CTPS2: variants seen among roughly 807,000 people sequenced by gnomAD.
The protein encoded by CTPS2 is CTP synthase 2, also known as CTP synthase II.
Under a neutral mutation model 46.8 loss-of-function variants are expected in CTPS2, and 19 were observed. The ratio of observed to expected loss-of-function variants is 0.41; its 90% CI spans 0.28 to 0.60. The LOEUF (loss-of-function observed/expected upper bound fraction) is 0.60, where lower values mean the gene tolerates loss of function less well. Among genes scored for constraint, CTPS2 ranks in the 20% least tolerant of loss-of-function variants. The pLI is 0.35. For synonymous variants in CTPS2, 151 were observed against 165.2 expected (o/e 0.91, Z 0.66); for missense variants, 286 against 447.6 (o/e 0.64, Z 3.26).
chrX:16,709,813 C>T (rs1925320731), intron 1 of CTPS2, among the ~76,000 whole-genome samples: 1 of 82,333 alleles, frequency 1.2e-5, no homozygotes. Flanking sequence ...CGTGCCATTG[C>T]ACTCTACCCT....
intron 17 of CTPS2, among the ~76,000 whole-genome samples, chrX:16,602,125 T>A (rs1929703873): frequency 9.0e-6 from 1 of 111,607 alleles, no homozygotes; most frequent in Non-Finnish European, 1.9e-5. Context: ...ATGGTACCAC[T>A]TGCAGGAAGA....
chrX:16,590,399 T>C lies in CTPS2; in HGVS notation c.*41+353A>G, dbSNP rs191009457. Among the ~76,000 whole-genome samples the C allele has an allele frequency of 2.0e-3, 221 of 111,873 alleles. 1 individual carries two copies. The highest frequency in any genetic ancestry group is 6.6e-3 in the African/African-American group (202 of 30,812). On this transcript the variant is annotated intron_variant, in intron 18 of 18. Coordinates refer to ENST00000359276, the MANE Select transcript of CTPS2 (RefSeq NM_175859.3). Reference sequence around the variant, plus strand: ...TTCCTGCTACAACAGCAGAATTGAGTAGTTGCCGCAGGAACTGCATGGCTC... The same window carrying C: ...TTCCTGCTACAACAGCAGAATTGAGCAGTTGCCGCAGGAACTGCATGGCTC...
intron 1 of CTPS2, among the ~76,000 whole-genome samples, chrX:16,704,495 C>T (rs747898191): frequency 2.7e-5 from 3 of 111,490 alleles, no homozygotes; most frequent in Non-Finnish European, 5.6e-5. Context: ...TGGTTGTCAG[C>T]GGGTAGGAGG....
At chrX:16,692,993 G>A (rs1314657343) in intron 6 of CTPS2, 148 bp downstream of exon 6, 3 of 442,724 alleles carry the variant, frequency 6.8e-6, no homozygotes, top group African/African-American at 2.6e-5. Context: ...GGAGGCGGAG[G>A]TTGCAATGAG....
At chrX:16,670,765 C>T in intron 10 of CTPS2, 91 bp from the exon 11 acceptor site, 1 of 550,241 alleles carries the variant, frequency 1.8e-6, no homozygotes, top group Non-Finnish European at 2.9e-6. Flanking sequence ...TTGGTCCAAT[C>T]ACTAGTGACT....
intron 8 of CTPS2, among the ~76,000 whole-genome samples, chrX:16,685,368 T>C (rs955635467): frequency 9.0e-6 from 1 of 111,378 alleles, no homozygotes; most frequent in Admixed American, 9.6e-5. Flanking sequence ...GTGAGTCCAC[T>C]GGGTCACACC....
chrX:16,600,785 T>C (rs746007464), intron 17 of CTPS2, among the ~76,000 whole-genome samples: 25 of 112,682 alleles, frequency 2.2e-4, no homozygotes, highest in Non-Finnish European at 4.1e-4. Context: ...AATGGTTTTC[T>C]AAAATGTTTA....
At chrX:16,649,728 C>G (rs1035594656) in intron 13 of CTPS2, among the ~76,000 whole-genome samples, 1 of 112,167 alleles carries the variant, frequency 8.9e-6, no homozygotes, top group Non-Finnish European at 1.9e-5. Context: ...TCACCTCAAG[C>G]AATCCTCCTG....
chrX:16,668,246 A>G (rs1285447104), intron 11 of CTPS2, among the ~76,000 whole-genome samples: 1 of 107,829 alleles, frequency 9.3e-6, no homozygotes, highest in African/African-American at 3.4e-5. Flanking sequence ...TGGGTGAGAA[A>G]GAAGGAAGGA....
At chrX:16,608,755 A>G (rs1452451947) in intron 17 of CTPS2, among the ~76,000 whole-genome samples, 1 of 111,770 alleles carries the variant, frequency 8.9e-6, no homozygotes, top group African/African-American at 3.3e-5. Flanking sequence ...AAAATCATCA[A>G]TGGAACAAAA....
At chrX:16,600,099 G>C (rs779517622) in intron 17 of CTPS2, among the ~76,000 whole-genome samples, 1 of 112,216 alleles carries the variant, frequency 8.9e-6, no homozygotes, top group Non-Finnish European at 1.9e-5. Context: ...ACAAACGAAA[G>C]GTTTGTCATA....
Position 16,590,124 on chromosome X carries a change from A to G in CTPS2, c.*42-349T>C, listed in dbSNP as rs144490864. Among the ~76,000 whole-genome samples the G allele has an allele frequency of 2.5e-4, 28 of 112,850 alleles. No homozygotes were observed. The East Asian group carries it at 7.2e-3, about 29-fold the overall frequency. On this transcript the variant is annotated intron_variant, in intron 18 of 18. Coordinates refer to ENST00000359276, the MANE Select transcript of CTPS2 (RefSeq NM_175859.3). ...GGTATTCTCTCTAATAGTGCATAAT[A>G]GAGCAATGGAAAAATAAGCTGCCCT...
intron 13 of CTPS2, among the ~76,000 whole-genome samples, chrX:16,666,193 T>C (rs191019007): frequency 1.8e-5 from 2 of 112,240 alleles, no homozygotes; most frequent in East Asian, 5.6e-4. Flanking sequence ...TGGGTGTGCA[T>C]GGGTGGCTGG....
At chrX:16,604,641 A>AC (rs1929865760) in intron 17 of CTPS2, among the ~76,000 whole-genome samples, 1 of 109,913 alleles carries the variant, frequency 9.1e-6, no homozygotes, top group Admixed American at 9.6e-5. Context: ...AGCCTGAGAA[A>AC]CAAAAAAAAA....
At chrX:16,691,013 G>A (rs749221479) in intron 7 of CTPS2, among the ~76,000 whole-genome samples, 37 of 112,716 alleles carry the variant, frequency 3.3e-4, no homozygotes, top group South Asian at 7.2e-4. Flanking sequence ...AGGTTTGACT[G>A]TGAGTTAAAC....
At chrX:16,595,797 G>A (rs1205246417) in intron 17 of CTPS2, among the ~76,000 whole-genome samples, 1 of 112,015 alleles carries the variant, frequency 8.9e-6, no homozygotes, top group Non-Finnish European at 1.9e-5. Context: ...GGATAGTACT[G>A]ATCTAAAAAC....
chrX:16,701,262 G>T (rs1412249523), intron 2 of CTPS2, among the ~76,000 whole-genome samples: 1 of 111,840 alleles, frequency 8.9e-6, no homozygotes, highest in Non-Finnish European at 1.9e-5. Flanking sequence ...TCAAGGCCTG[G>T]TGCAGTGGCT....
intron 13 of CTPS2, chrX:16,654,357 T>C: frequency 3.4e-6 from 3 of 870,213 alleles, no homozygotes; most frequent in Non-Finnish European, 4.9e-6. Context: ...CAGTAACTGA[T>C]TCATTTTTTC....
intron 13 of CTPS2, among the ~76,000 whole-genome samples, chrX:16,646,309 G>A (rs1253618572): frequency 8.9e-6 from 1 of 112,456 alleles, no homozygotes; most frequent in African/African-American, 3.2e-5. Context: ...ACCCTGAGCA[G>A]GTCCTTGGAT....
Sources: allele counts gnomAD v4.1 joint callset (sites outside exome capture counted in the v4.1 genomes callset), GRCh38; gene constraint gnomAD v4.1.1; transcripts MANE v1.5; gene names NCBI Gene and HGNC (gene_info 2026-07-23, HGNC 2026-07-21).